Variants in XIRP2 observed in about 807,000 individuals in gnomAD.
The protein encoded by XIRP2 is xin actin-binding repeat-containing protein 2.
Under a neutral mutation model 277.0 loss-of-function variants are expected in XIRP2, and 236 were observed. That is an observed-to-expected ratio of 0.85 (90% CI 0.77 to 0.95). XIRP2 has a LOEUF of 0.95. XIRP2 is among the 40% of genes least tolerant of loss of function. The pLI is 0.00. For missense variants in XIRP2, 4,640 were observed against 4,157.5 expected (o/e 1.12, Z -3.19); for synonymous variants, 1,490 against 1,416.5 (o/e 1.05, Z -1.17).
chr2:167,234,251 A>G (rs890030053), intron 5 of XIRP2, among the ~76,000 whole-genome samples: 7 of 151,580 alleles, frequency 4.6e-5, no homozygotes, highest in East Asian at 1.9e-4. Flanking sequence ...TTTTGAGTCA[A>G]AGAAGAGTTA....
intron 2 of XIRP2, among the ~76,000 whole-genome samples, chr2:167,116,288 C>T (rs1014734531): frequency 2.0e-5 from 3 of 152,076 alleles, no homozygotes; most frequent in Non-Finnish European, 2.9e-5. Flanking sequence ...TCAGTTCTAT[C>T]GGTTGTTGCT....
chr2:167,232,417 C>T (rs1056461681), intron 5 of XIRP2, among the ~76,000 whole-genome samples: 1 of 151,288 alleles, frequency 6.6e-6, no homozygotes, highest in South Asian at 2.1e-4. Flanking sequence ...GAGTAACCCC[C>T]TAAATCTACA....
chr2:167,087,388 G>C (rs1689989193), intron 2 of XIRP2, among the ~76,000 whole-genome samples: 2 of 145,184 alleles, frequency 1.4e-5, no homozygotes, highest in Admixed American at 1.4e-4. Flanking sequence ...GGTTACTGCT[G>C]TCTTTTTGTT....
intron 5 of XIRP2, among the ~76,000 whole-genome samples, chr2:167,230,296 C>T (rs2105416135): frequency 6.6e-6 from 1 of 152,186 alleles, no homozygotes; most frequent in East Asian, 1.9e-4. Flanking sequence ...TTTTGTGAAT[C>T]TTTTACCATA....
chr2:167,004,249 T>C (rs1251276634), intron 2 of XIRP2, among the ~76,000 whole-genome samples: 1 of 151,890 alleles, frequency 6.6e-6, no homozygotes, highest in African/African-American at 2.4e-5. Flanking sequence ...ATGCATATGA[T>C]CTCATAATTC....
At chr2:167,027,818 A>G (rs1348891947) in intron 2 of XIRP2, among the ~76,000 whole-genome samples, 1 of 152,084 alleles carries the variant, frequency 6.6e-6, no homozygotes, top group African/African-American at 2.4e-5. Context: ...AGAAATAATT[A>G]CTACTAAATA....
chr2:167,078,402 A>G (rs956068471), intron 2 of XIRP2, among the ~76,000 whole-genome samples: 8 of 152,206 alleles, frequency 5.3e-5, no homozygotes, highest in Non-Finnish European at 1.2e-4. Context: ...ATTTAGAATC[A>G]TATTGTCAAT....
chr2:166,909,946 A>G (rs1431762943), intron 2 of XIRP2, among the ~76,000 whole-genome samples: 3 of 152,188 alleles, frequency 2.0e-5, no homozygotes, highest in South Asian at 4.1e-4. Context: ...CCAGCCTTGC[A>G]TCCCAGGGAT....
chr2:167,180,859 A>G (rs1692989331), intron 3 of XIRP2, among the ~76,000 whole-genome samples: 1 of 152,190 alleles, frequency 6.6e-6, no homozygotes, highest in African/African-American at 2.4e-5. Context: ...ATCACTAAAT[A>G]CTTGGATCCT....
chr2:167,104,013 G>T (rs1264616518), intron 2 of XIRP2, among the ~76,000 whole-genome samples: 1 of 152,030 alleles, frequency 6.6e-6, no homozygotes, highest in East Asian at 1.9e-4. Context: ...TTATTGCTAA[G>T]GCTTCTTTAG....
At chr2:167,130,383 T>C (rs1691339187) in intron 2 of XIRP2, among the ~76,000 whole-genome samples, 1 of 152,154 alleles carries the variant, frequency 6.6e-6, no homozygotes, top group African/African-American at 2.4e-5. Context: ...TGCCTTCAAG[T>C]CCTTCCATTT....
intron 2 of XIRP2, among the ~76,000 whole-genome samples, chr2:167,119,099 CA>C (rs1326081072): frequency 1.1e-4 from 16 of 151,748 alleles, no homozygotes; most frequent in Admixed American, 7.2e-4. Flanking sequence ...TCAGTGGAGG[CA>C]AAAAGTGGAT....
intron 2 of XIRP2, among the ~76,000 whole-genome samples, chr2:166,975,671 A>G (rs1461624813): frequency 1.3e-5 from 2 of 151,998 alleles, no homozygotes; most frequent in Non-Finnish European, 2.9e-5. Flanking sequence ...CACGCCTGTA[A>G]TCCCAGCACT....
chr2:167,026,655 G>A lies in XIRP2; in HGVS notation c.409-109254G>A, dbSNP rs370583949. Reference sequence around the variant, plus strand: ...GCTCTTTTAGGGCAGGCCTGGTGGTGAGAAAATCTCTCAGCATTTGCTTGT... The same window carrying A: ...GCTCTTTTAGGGCAGGCCTGGTGGTAAGAAAATCTCTCAGCATTTGCTTGT... On this transcript the variant is annotated intron_variant, in intron 2 of 10. Coordinates refer to ENST00000409195, the MANE Select transcript of XIRP2 (RefSeq NM_152381.6). Among the ~76,000 whole-genome samples the A allele has an allele frequency of 5.5e-4, 84 of 152,230 alleles. 3 individuals are homozygous for A. The South Asian group carries it at 0.016, about 29-fold the overall frequency.
intron 2 of XIRP2, among the ~76,000 whole-genome samples, chr2:167,050,833 C>T (rs1051893631): frequency 6.6e-6 from 1 of 151,420 alleles, no homozygotes; most frequent in African/African-American, 2.4e-5. Flanking sequence ...TAATAATTGC[C>T]CTTGCTGCAA....
intron 2 of XIRP2, among the ~76,000 whole-genome samples, chr2:166,982,905 A>G (rs12623180): frequency 0.1 from 15,205 of 152,178 alleles, 923 homozygotes; most frequent in East Asian, 0.3. Flanking sequence ...CAGAGATTAC[A>G]ACTCTCCCTC....
chr2:167,253,957 G>GTT, intron 9 of XIRP2, 75 bp from the exon 10 acceptor site: 1 of 1,485,738 alleles, frequency 6.7e-7, no homozygotes, highest in Non-Finnish European at 9.0e-7. Flanking sequence ...GTTAATATGT[G>GTT]TTTTTGTTTT....
chr2:167,214,262 AG>A (rs1694169724), intron 4 of XIRP2, among the ~76,000 whole-genome samples: 5 of 89,548 alleles, frequency 5.6e-5, no homozygotes, highest in African/African-American at 1.1e-4. Flanking sequence ...GGAAGGAAAG[AG>A]AGAGAGAGAA....
intron 2 of XIRP2, among the ~76,000 whole-genome samples, chr2:167,109,158 G>A (rs1690682724): frequency 6.6e-6 from 1 of 151,948 alleles, no homozygotes; most frequent in Non-Finnish European, 1.5e-5. Context: ...TGCTTAGGAT[G>A]ATGTCCTCCA....
Sources: gnomAD v4.1 joint callset for allele counts (sites outside exome capture counted in the v4.1 genomes callset) on GRCh38, gnomAD v4.1.1 for gene constraint, MANE v1.5 for transcripts, NCBI Gene and HGNC (gene_info 2026-07-23, HGNC 2026-07-21) for gene names.